The following FAM83B variants were observed in gnomAD, a reference collection of about 807,000 sequenced individuals.
FAM83B encodes protein FAM83B.
A neutral mutation model predicts 38.8 loss-of-function variants in FAM83B; 26 were observed. The observed-to-expected ratio is 0.67, with a 90% CI of 0.49 to 0.93. The LOEUF is 0.93. Ranked by LOEUF, FAM83B falls within the 40% of genes least tolerant of loss-of-function variation. FAM83B has a pLI of 0.00. For missense variants in FAM83B, 1,237 were observed against 1,197.3 expected, an observed-to-expected ratio of 1.03 and a Z score of -0.49; for synonymous variants, 419 against 423.1, an observed-to-expected ratio of 0.99 and a Z score of 0.12.
chr6:54,852,825 T>G (rs1006717616), intron 1 of FAM83B, among the ~76,000 whole-genome samples: 1 of 152,204 alleles, frequency 6.6e-6, no homozygotes, highest in Admixed American at 6.5e-5. Flanking sequence ...TGGTCTAGAA[T>G]TCAAGGCTGT....
At chr6:54,932,703 C>T (rs1431441687) in intron 4 of FAM83B, among the ~76,000 whole-genome samples, 2 of 151,900 alleles carry the variant, frequency 1.3e-5, no homozygotes, top group Non-Finnish European at 2.9e-5. Flanking sequence ...GTCTTAATTT[C>T]TCCTTCCTTT....
At chr6:54,873,812 G>A (rs1320232126) in intron 2 of FAM83B, among the ~76,000 whole-genome samples, 1 of 151,826 alleles carries the variant, frequency 6.6e-6, no homozygotes, top group African/African-American at 2.4e-5. Flanking sequence ...CAGAACCCAG[G>A]AAAAGATCTC....
intron 2 of FAM83B, among the ~76,000 whole-genome samples, chr6:54,897,240 C>A (rs531518335): frequency 3.6e-4 from 47 of 130,498 alleles, no homozygotes; most frequent in Non-Finnish European, 6.4e-4. Context: ...AAAAAAAAAA[C>A]CATCTGGACA....
rs1018703029 is a variant in FAM83B, at chr6:54,943,722, A to G, written c.*1715A>G. The G allele has an allele frequency of 6.6e-6, 1 of 152,176 alleles. No individual in the cohort carries two copies. The highest frequency in any genetic ancestry group is 6.5e-5 in the Admixed American group (1 of 15,280). 9.4% of individuals were successfully genotyped at this position (152,176 alleles called of 1,614,324 possible). ...AACTAGACTGACTTTGTTATTACCC[A>G]TTCTTTGTTAGTATTGGATAGGGAA... On this transcript the variant is annotated 3_prime_UTR_variant, in exon 5 of 5. Coordinates refer to ENST00000306858, the MANE Select transcript of FAM83B (RefSeq NM_001010872.3).
intron 2 of FAM83B, among the ~76,000 whole-genome samples, chr6:54,871,284 C>T (rs1226129749): frequency 6.6e-6 from 1 of 151,964 alleles, no homozygotes; most frequent in African/African-American, 2.4e-5. Flanking sequence ...TCTCACAGAT[C>T]TTATTTTAGA....
At chr6:54,881,179 A>C (rs1772123941) in intron 2 of FAM83B, among the ~76,000 whole-genome samples, 1 of 152,224 alleles carries the variant, frequency 6.6e-6, no homozygotes, top group African/African-American at 2.4e-5. Context: ...TTTTGAGAGC[A>C]TGTGCTGACA....
intron 1 of FAM83B, among the ~76,000 whole-genome samples, chr6:54,864,004 T>C (rs1771646137): frequency 6.6e-6 from 1 of 152,200 alleles, no homozygotes; most frequent in African/African-American, 2.4e-5. Context: ...TTTTAAGCCA[T>C]GTATAATCCT....
At chr6:54,873,637 A>G (rs1257500543) in intron 2 of FAM83B, among the ~76,000 whole-genome samples, 1 of 149,916 alleles carries the variant, frequency 6.7e-6, no homozygotes, top group East Asian at 2.0e-4. Flanking sequence ...TTGTAAAGGG[A>G]TGATCTTTTT....
chr6:54,870,422 A>G lies in FAM83B; in HGVS notation c.176A>G (p.Glu59Gly), dbSNP rs755228965. Reference sequence around the variant, plus strand: ...CGAGTTTCAGACTTTCTTGCTGAGGAAGAAATTAATTATATTTTGAAAAAT... The same window carrying G: ...CGAGTTTCAGACTTTCTTGCTGAGGGAGAAATTAATTATATTTTGAAAAAT... ...QERVSDFLAE[E>G]EINYILKNVQ... The change falls in exon 2 of 5, where the codon GAA becomes GGA. Residue 59 changes from glutamate to glycine, a missense_variant. By Grantham distance (98) the Glu-to-Gly change is moderately conservative (BLOSUM62 -2). Coordinates refer to ENST00000306858, the MANE Select transcript of FAM83B (RefSeq NM_001010872.3). 2 of 1,613,964 alleles carry G rather than the reference A, an allele frequency of 1.2e-6. No homozygotes were observed. The highest frequency in any genetic ancestry group is 1.3e-5 in the African/African-American group (1 of 74,902).
At chr6:54,925,612 G>A (rs2127588257) in intron 2 of FAM83B, among the ~76,000 whole-genome samples, 1 of 152,082 alleles carries the variant, frequency 6.6e-6, no homozygotes. Flanking sequence ...TTTTAGGCAA[G>A]TACAGCTGGC....
At chr6:54,890,784 TATC>T (rs909894788) in intron 2 of FAM83B, among the ~76,000 whole-genome samples, 1 of 152,118 alleles carries the variant, frequency 6.6e-6, no homozygotes, top group Non-Finnish European at 1.5e-5. Flanking sequence ...TTTACACATT[TATC>T]ATGTGCATTA....
chr6:54,937,660 A>C (rs1289465562), intron 4 of FAM83B, among the ~76,000 whole-genome samples: 1 of 152,082 alleles, frequency 6.6e-6, no homozygotes, highest in Non-Finnish European at 1.5e-5. Flanking sequence ...TGTAGCTATT[A>C]TGCTGTCCGT....
intron 1 of FAM83B, among the ~76,000 whole-genome samples, chr6:54,857,795 T>C (rs926400339): frequency 4.6e-5 from 7 of 152,096 alleles, no homozygotes; most frequent in Non-Finnish European, 8.8e-5. Flanking sequence ...TAGAGCAGGG[T>C]ACAACGATTA....
intron 2 of FAM83B, among the ~76,000 whole-genome samples, chr6:54,903,362 T>G (rs1299787942): frequency 6.6e-6 from 1 of 152,202 alleles, no homozygotes; most frequent in African/African-American, 2.4e-5. Context: ...GGTCACCTAC[T>G]CACTGTAAAG....
At chr6:54,879,053 G>A (rs1772064056) in intron 2 of FAM83B, among the ~76,000 whole-genome samples, 2 of 152,126 alleles carry the variant, frequency 1.3e-5, no homozygotes, top group Admixed American at 1.3e-4. Flanking sequence ...GGTGTCAGAG[G>A]CCCCAAAGTT....
At chr6:54,878,110 G>A (rs1772041786) in intron 2 of FAM83B, among the ~76,000 whole-genome samples, 1 of 152,204 alleles carries the variant, frequency 6.6e-6, no homozygotes, top group South Asian at 2.1e-4. Flanking sequence ...TTTGAAGCAG[G>A]AAGAAAAGGA....
In FAM83B at chr6:54,903,071, T is replaced by G. The variant is rs73431457; in HGVS notation, c.445-23300T>G. Among the ~76,000 whole-genome samples the G allele has an allele frequency of 7.9e-3, 1,199 of 152,336 alleles. 15 individuals are homozygous for G. The highest frequency in any genetic ancestry group is 0.027 in the African/African-American group (1,137 of 41,564). The stretch of plus-strand genomic sequence containing the variant: ...TAACCTCATACAATTTGCATATATT[T>G]ATAGATTTGTTTCTATGGATATATT... On this transcript the variant is annotated intron_variant, in intron 2 of 4. Coordinates refer to ENST00000306858, the MANE Select transcript of FAM83B (RefSeq NM_001010872.3).
chr6:54,938,899 A>C (rs558650819), intron 4 of FAM83B, among the ~76,000 whole-genome samples: 2 of 151,786 alleles, frequency 1.3e-5, no homozygotes, highest in Non-Finnish European at 2.9e-5. Flanking sequence ...TTTTTGTTGC[A>C]TTTGTTTTGG....
At position 54,942,177 on chromosome 6, in the gene FAM83B, T is replaced by C. The variant is rs1311639719; in HGVS notation, c.*170T>C. ...TTTTCTGTGTGATAAAGTTAGGGTC[T>C]GCTGTAGATAGAATTTCTCTGTAAA... On this transcript the variant is annotated 3_prime_UTR_variant, in exon 5 of 5. Transcript: ENST00000306858. Among the ~76,000 whole-genome samples, 1 of 152,232 alleles carries C rather than the reference T, an allele frequency of 6.6e-6. No individual in the cohort carries two copies. The highest frequency in any genetic ancestry group is 6.5e-5 in the Admixed American group (1 of 15,280).
Sources: allele counts gnomAD v4.1 joint callset (sites outside exome capture counted in the v4.1 genomes callset), GRCh38; gene constraint gnomAD v4.1.1; transcripts MANE v1.5; gene names NCBI Gene and HGNC (gene_info 2026-07-23, HGNC 2026-07-21).